The following STK39 variants were observed in gnomAD, a reference collection of about 807,000 sequenced individuals.
The protein encoded by STK39 is serine/threonine kinase 39, also known as STE20/SPS1-related proline-alanine-rich protein kinase.
A neutral mutation model predicts 77.8 loss-of-function variants in STK39; 20 were observed. The observed-to-expected ratio is 0.26, with a 90% CI of 0.18 to 0.37. The LOEUF is 0.37. STK39 is among the 10% of genes least tolerant of loss of function. STK39 has a pLI of 1.00. For synonymous variants in STK39, 246 were observed against 234.1 expected, an observed-to-expected ratio of 1.05 and a Z score of -0.47; for missense variants, 479 against 656.5, an observed-to-expected ratio of 0.73 and a Z score of 2.95.
intron 1 of STK39, among the ~76,000 whole-genome samples, chr2:168,201,379 G>A (rs898167267): frequency 6.6e-6 from 1 of 152,224 alleles, no homozygotes; most frequent in Non-Finnish European, 1.5e-5. Context: ...CCAGCATAGA[G>A]AAGCACTGAT....
chr2:168,116,670 G>A (rs1251921069), intron 10 of STK39, among the ~76,000 whole-genome samples: 4 of 152,106 alleles, frequency 2.6e-5, no homozygotes, highest in African/African-American at 7.2e-5. Flanking sequence ...CCCTGTGATT[G>A]AATGACCACA....
At chr2:168,017,116 T>C (rs750967080) in intron 14 of STK39, 21 bp from the exon 15 acceptor site, 116 of 1,552,232 alleles carry the variant, frequency 7.5e-5, no homozygotes, top group Non-Finnish European at 9.9e-5. Context: ...TAACATATAA[T>C]ACATTAAAGT....
At chr2:168,065,418 C>A in intron 12 of STK39, 37 bp from the exon 13 acceptor site, 1 of 1,606,616 alleles carries the variant, frequency 6.2e-7, no homozygotes, top group South Asian at 1.1e-5. Flanking sequence ...TTCAAGAAAG[C>A]CAAAGGGAGA....
chr2:168,233,493 C>A (rs1023024729), intron 1 of STK39, among the ~76,000 whole-genome samples: 3 of 152,168 alleles, frequency 2.0e-5, no homozygotes, highest in African/African-American at 4.8e-5. Context: ...AGGTATCCTA[C>A]CCAAATAGTG....
chr2:168,241,896 A>T (rs1472918134), intron 1 of STK39, among the ~76,000 whole-genome samples: 3 of 152,224 alleles, frequency 2.0e-5, no homozygotes, highest in Non-Finnish European at 2.9e-5. Context: ...GACACATCTA[A>T]GTCATTTGCT....
chr2:168,019,094 C>T (rs1684506135), intron 14 of STK39, among the ~76,000 whole-genome samples: 1 of 151,990 alleles, frequency 6.6e-6, no homozygotes, highest in South Asian at 2.1e-4. Context: ...TCACTACTCC[C>T]CTCAGGGCTA....
intron 14 of STK39, among the ~76,000 whole-genome samples, chr2:168,027,966 A>T (rs1442468479): frequency 1.3e-5 from 2 of 152,136 alleles, no homozygotes; most frequent in Admixed American, 6.5e-5. Context: ...TAAATAACAG[A>T]CTTCTTCCCT....
At chr2:167,972,476 C>T (rs543974531) in intron 16 of STK39, among the ~76,000 whole-genome samples, 51 of 152,256 alleles carry the variant, frequency 3.3e-4, no homozygotes, top group African/African-American at 9.9e-4. Flanking sequence ...TGTGGCCTTG[C>T]TTTCTCTTTT....
intron 15 of STK39, among the ~76,000 whole-genome samples, chr2:168,013,069 C>T (rs1225765577): frequency 6.6e-6 from 1 of 152,176 alleles, no homozygotes; most frequent in African/African-American, 2.4e-5. Context: ...CATCATCAAT[C>T]CTTTTTTATC....
rs1689797491 is a variant in STK39 at position 168,208,464 on chromosome 2, A to C, written c.209-26374T>G. Among the ~76,000 whole-genome samples the C allele has an allele frequency of 2.0e-5, 3 of 152,210 alleles. No homozygotes were observed. In the South Asian group the frequency reaches 6.2e-4, roughly 31 times the overall value. On this transcript the variant is annotated intron_variant, in intron 1 of 17. Coordinates refer to ENST00000355999, the MANE Select transcript of STK39 (RefSeq NM_013233.3). ...GGGTAGCATATTGCTTGGGTTGTGAATAAAGATACATGCAGAGACACCATT... is the reference window on the plus strand; with the variant it reads ...GGGTAGCATATTGCTTGGGTTGTGACTAAAGATACATGCAGAGACACCATT...
intron 16 of STK39, among the ~76,000 whole-genome samples, chr2:167,971,397 G>A (rs371650807): frequency 1.7e-3 from 261 of 152,166 alleles, no homozygotes; most frequent in Non-Finnish European, 3.0e-3. Context: ...GTAAAATTTG[G>A]CTTTTAAAAT....
At chr2:168,084,184 T>TG (rs1686309813) in intron 10 of STK39, among the ~76,000 whole-genome samples, 1 of 151,844 alleles carries the variant, frequency 6.6e-6, no homozygotes, top group Non-Finnish European at 1.5e-5. Context: ...GTGGGCATGG[T>TG]GGGGGGAAGG....
chr2:168,232,383 C>T (rs191998210), intron 1 of STK39, among the ~76,000 whole-genome samples: 1 of 152,136 alleles, frequency 6.6e-6, no homozygotes, highest in Admixed American at 6.6e-5. Flanking sequence ...TTTTGTCACT[C>T]CCTTTCTTCC....
chr2:167,978,105 A>G (rs1221602638), intron 16 of STK39, among the ~76,000 whole-genome samples: 1 of 152,166 alleles, frequency 6.6e-6, no homozygotes, highest in Admixed American at 6.5e-5. Flanking sequence ...CAGGGTCTGC[A>G]AAATATCTCA....
rs1046616737 is a variant in STK39 at position 168,247,288 on chromosome 2, C to G, written c.148G>C (p.Ala50Pro). ...ATGGGCCAGCCGACAGCCTGTGCCG[C>G]CGGGGCCGGGGCCGGGGCCGGGGCC... is the stretch of plus-strand genomic sequence containing the variant. ...PAAPAPAPAPAAQAVGWPICR... is the reference protein window; with the variant it reads ...PAAPAPAPAPPAQAVGWPICR... Residue 50 changes from alanine to proline, a missense_variant, in exon 1 of 18, where the codon GCG becomes CCG. Ala to Pro is a conservative substitution (Grantham distance 27). Around this residue, in one of 3 missense-constraint regions of STK39, gnomAD observed 96 missense variants for 79.1 expected, o/e 1.21. Coordinates refer to ENST00000355999, the MANE Select transcript of STK39 (RefSeq NM_013233.3). 270 of 1,018,696 alleles carry G rather than the reference C, an allele frequency of 2.7e-4. 1 individual carries two copies. The highest frequency in any genetic ancestry group is 3.1e-4 in the Non-Finnish European group (266 of 846,844). 63.1% of individuals were successfully genotyped at this position (1,018,696 alleles called of 1,614,324 possible). A position where few individuals can be genotyped will look rare whatever the true frequency, so the allele number is the denominator to read the frequency against.
intron 5 of STK39, among the ~76,000 whole-genome samples, chr2:168,144,873 CA>C (rs1297236082): frequency 1.3e-5 from 2 of 151,482 alleles, no homozygotes; most frequent in African/African-American, 4.9e-5. Flanking sequence ...TTCAGCTACT[CA>C]GGAGGATGAA....
At chr2:168,154,690 G>A (rs972058778) in intron 5 of STK39, among the ~76,000 whole-genome samples, 4 of 131,976 alleles carry the variant, frequency 3.0e-5, no homozygotes, top group Admixed American at 2.3e-4. Flanking sequence ...ATAGTTGACT[G>A]TTTAATGTGT....
rs143956513 is a variant in STK39, at chr2:168,118,020, G to A, written c.1089+11521C>T. ...ACTCTAGCCAAATTATTTTCCTTTC[G>A]GAAGAAAGGAAAGAAATGGTACACT... On this transcript the variant is annotated intron_variant, in intron 10 of 17. Coordinates refer to ENST00000355999, the MANE Select transcript of STK39 (RefSeq NM_013233.3). Among the ~76,000 whole-genome samples, 347 of 151,996 alleles carry A rather than the reference G, an allele frequency of 2.3e-3. 2 individuals are homozygous for A. Among genetic ancestry groups the A allele is most frequent in the African/African-American group, 7.6e-3 (316 of 41,446 alleles).
At chr2:168,171,447 C>A (rs1688821177) in intron 2 of STK39, among the ~76,000 whole-genome samples, 2 of 145,252 alleles carry the variant, frequency 1.4e-5, no homozygotes, top group African/African-American at 5.2e-5. Flanking sequence ...CCCCTTCCCC[C>A]AAAAAATAAC....
Sources: gnomAD v4.1 joint callset for allele counts (sites outside exome capture counted in the v4.1 genomes callset) on GRCh38, gnomAD v4.1.1 for gene constraint, gnomAD v4.1.1 regional missense constraint, MANE v1.5 for transcripts, NCBI Gene and HGNC (gene_info 2026-07-23, HGNC 2026-07-21) for gene names.